The following NCKAP5 variants were observed in gnomAD, a reference collection of about 807,000 sequenced individuals.
The protein encoded by NCKAP5 is NCK associated protein 5, also known as nck-associated protein 5.
Under a neutral mutation model 167.0 loss-of-function variants are expected in NCKAP5, and 92 were observed. The ratio of observed to expected loss-of-function variants is 0.55; its 90% CI spans 0.47 to 0.66. The LOEUF (loss-of-function observed/expected upper bound fraction) is 0.66. NCKAP5 is among the 30% of genes least tolerant of loss of function. The pLI, the probability that NCKAP5 is intolerant of heterozygous loss-of-function variation, is 0.00. For synonymous variants in NCKAP5, 891 were observed against 877.4 expected (o/e 1.02, Z -0.27); for missense variants, 2,378 against 2,315.0 (o/e 1.03, Z -0.56).
intron 11 of NCKAP5, among the ~76,000 whole-genome samples, chr2:132,845,330 G>A (rs1239836454): frequency 5.9e-5 from 9 of 151,998 alleles, no homozygotes; most frequent in Non-Finnish European, 1.5e-5. Context: ...TTTCCTGTAT[G>A]ACTTCTTGGT....
intron 7 of NCKAP5, among the ~76,000 whole-genome samples, chr2:132,984,368 C>T (rs140637997): frequency 1.3e-5 from 2 of 152,274 alleles, no homozygotes; most frequent in Admixed American, 1.3e-4. Context: ...AGATGGCCAC[C>T]TTTCTAGACC....
intron 2 of NCKAP5, among the ~76,000 whole-genome samples, chr2:133,544,339 G>T (rs1686476604): frequency 6.6e-6 from 1 of 152,068 alleles, no homozygotes; most frequent in African/African-American, 2.4e-5. Context: ...AAGTAATCAT[G>T]AATATCTTCT....
chr2:132,759,452 TG>T (rs1680819096), intron 16 of NCKAP5, among the ~76,000 whole-genome samples: 1 of 152,190 alleles, frequency 6.6e-6, no homozygotes, highest in Non-Finnish European at 1.5e-5. Context: ...GATTTATAAA[TG>T]TGACCAAAAT....
chr2:132,843,447 C>A (rs1688439931), intron 11 of NCKAP5, among the ~76,000 whole-genome samples: 1 of 151,750 alleles, frequency 6.6e-6, no homozygotes, highest in Non-Finnish European at 1.5e-5. Context: ...TACCCAATGT[C>A]CCTCTTCATC....
chr2:133,019,070 C>T (rs1009587455), intron 6 of NCKAP5, among the ~76,000 whole-genome samples: 1 of 152,144 alleles, frequency 6.6e-6, no homozygotes. Context: ...AAGTAGATTC[C>T]TAATTCTTCT....
At chr2:133,119,417 G>A (rs2082184790) in intron 6 of NCKAP5, among the ~76,000 whole-genome samples, 1 of 152,174 alleles carries the variant, frequency 6.6e-6, no homozygotes, top group Admixed American at 6.6e-5. Context: ...GTAGGTGGCA[G>A]AGCATGTCAA....
chr2:133,121,975 C>T (rs112383661), intron 6 of NCKAP5: 6 of 152,264 alleles, frequency 3.9e-5, no homozygotes, highest in African/African-American at 1.2e-4. Flanking sequence ...AGAAGCCAGA[C>T]CAAAAAGTTC....
At chr2:133,144,831 A>G (rs1055627688) in intron 5 of NCKAP5, among the ~76,000 whole-genome samples, 1 of 152,100 alleles carries the variant, frequency 6.6e-6, no homozygotes, top group Admixed American at 6.6e-5. Flanking sequence ...CTGGAGGGAG[A>G]GCAGAGGCTC....
intron 3 of NCKAP5, among the ~76,000 whole-genome samples, chr2:133,310,056 C>G (rs1368893047): frequency 2.0e-5 from 3 of 152,164 alleles, no homozygotes; most frequent in Admixed American, 1.3e-4. Flanking sequence ...TAGGAAATGA[C>G]TAACTACCAC....
intron 8 of NCKAP5, among the ~76,000 whole-genome samples, chr2:132,900,020 A>G (rs11883458): frequency 0.23 from 35,001 of 152,100 alleles, 4,361 homozygotes; most frequent in Admixed American, 0.38. Context: ...CAGGAAATAC[A>G]TGGCCCAAGG....
rs568226682 is a variant in NCKAP5 at position 133,015,747 on chromosome 2, C to T, written c.342-21508G>A. On this transcript the variant is annotated intron_variant, in intron 6 of 19. Transcript: ENST00000409261. ...TCTACTCAAAAGGAACTTACTACTGCTTAATGAGGAGATGAACAAGTGTGT... is the reference window on the plus strand; with the variant it reads ...TCTACTCAAAAGGAACTTACTACTGTTTAATGAGGAGATGAACAAGTGTGT... Among the ~76,000 whole-genome samples, 3 of 152,250 alleles carry T rather than the reference C, an allele frequency of 2.0e-5. No individual in the cohort carries two copies. The South Asian group carries it at 6.2e-4, about 32-fold the overall frequency.
At chr2:132,755,684 C>A (rs144090044) in intron 16 of NCKAP5, among the ~76,000 whole-genome samples, 2,812 of 151,730 alleles carry the variant, frequency 0.019, 85 homozygotes, top group African/African-American at 0.065. Flanking sequence ...CAAAAATTAG[C>A]TGGGCATGGT....
rs373384379 is a variant in NCKAP5 at position 133,132,481 on chromosome 2, G to GCACACACACACACA, written c.208-2384_208-2371dup. ...TGCCTTTTAAAACATGAAAAAAAAA[G>GCACACACACACACA]CACACACACACACACACACACACAC... On this transcript the variant is annotated intron_variant, in intron 5 of 19. Transcript: ENST00000409261. Among the ~76,000 whole-genome samples the GCACACACACACACA allele has an allele frequency of 1.9e-4, 25 of 130,054 alleles. 1 individual carries two copies. Among genetic ancestry groups the GCACACACACACACA allele is most frequent in the Middle Eastern group, 4.1e-3 (1 of 242 alleles). The allele number at this position is 130,054 out of a possible 152,430, so 85.3% of individuals were successfully genotyped here.
intron 3 of NCKAP5, among the ~76,000 whole-genome samples, chr2:133,420,722 A>G (rs1297987091): frequency 6.6e-6 from 1 of 152,126 alleles, no homozygotes; most frequent in Non-Finnish European, 1.5e-5. Flanking sequence ...TTTTTTATAT[A>G]TTTTATTCAA....
the NCKAP5 span, among the ~76,000 whole-genome samples, chr2:133,581,503 T>C: frequency 6.6e-6 from 1 of 152,222 alleles, no homozygotes; most frequent in South Asian, 2.1e-4. Flanking sequence ...AAACCAACTG[T>C]GACAGGTTCC....
At chr2:132,854,830 G>A (rs1689337431) in intron 11 of NCKAP5, among the ~76,000 whole-genome samples, 2 of 152,170 alleles carry the variant, frequency 1.3e-5, no homozygotes. Flanking sequence ...GGTGGGGTGG[G>A]CAGGAGTAGA....
chr2:132,965,822 C>G (rs572077005), intron 7 of NCKAP5, among the ~76,000 whole-genome samples: 8 of 151,520 alleles, frequency 5.3e-5, no homozygotes, highest in African/African-American at 1.7e-4. Flanking sequence ...CTAAACATAT[C>G]TAAACATAAA....
chr2:132,706,982 C>T (rs1420411927), intron 19 of NCKAP5, among the ~76,000 whole-genome samples: 3 of 152,138 alleles, frequency 2.0e-5, no homozygotes, highest in African/African-American at 7.2e-5. Context: ...ATAGATGCCT[C>T]CACCCATTGT....
intron 8 of NCKAP5, among the ~76,000 whole-genome samples, chr2:132,920,789 A>ATGTATG (rs1558943454): frequency 7.8e-4 from 55 of 70,502 alleles, no homozygotes; most frequent in South Asian, 4.0e-4. Flanking sequence ...ATATATATAT[A>ATGTATG]TATATATATA....
Sources: allele counts gnomAD v4.1 joint callset (sites outside exome capture counted in the v4.1 genomes callset), GRCh38; gene constraint gnomAD v4.1.1; transcripts MANE v1.5; gene names NCBI Gene and HGNC (gene_info 2026-07-23, HGNC 2026-07-21).